RABEP1: variants seen among roughly 807,000 people sequenced by gnomAD.
RABEP1 encodes rabaptin, RAB GTPase binding effector protein 1.
Under a neutral mutation model 123.4 loss-of-function variants are expected in RABEP1, and 51 were observed. The observed-to-expected ratio is 0.41, with a 90% CI of 0.33 to 0.52. RABEP1 has a LOEUF of 0.52. Among genes scored for constraint, RABEP1 ranks in the 20% least tolerant of loss-of-function variants. The pLI is 0.16. For synonymous variants in RABEP1, 347 were observed against 355.2 expected, an observed-to-expected ratio of 0.98 and a Z score of 0.26; for missense variants, 888 against 996.3, an observed-to-expected ratio of 0.89 and a Z score of 1.46.
At chr17:5,373,204 C>A (rs927201729) in intron 12 of RABEP1, 110 bp from the exon 13 acceptor site, 15 of 974,888 alleles carry the variant, frequency 1.5e-5, no homozygotes, top group Non-Finnish European at 2.2e-5. Flanking sequence ...CTTCACCATA[C>A]CCCGTCCATC....
intron 2 of RABEP1, among the ~76,000 whole-genome samples, chr17:5,314,816 C>T (rs2075280837): frequency 6.6e-6 from 1 of 152,176 alleles, no homozygotes; most frequent in African/African-American, 2.4e-5. Flanking sequence ...CCATGCCCGG[C>T]TATATTTCTG....
At chr17:5,369,148 T>C (rs1025742032) in intron 12 of RABEP1, among the ~76,000 whole-genome samples, 1 of 152,016 alleles carries the variant, frequency 6.6e-6, no homozygotes, top group Admixed American at 6.6e-5. Context: ...TCACAGGGGT[T>C]ATGAAAAAAA....
chr17:5,380,459 T>A lies in RABEP1; in HGVS notation c.2367T>A (p.Ala789=), dbSNP rs1179478861. The A allele has an allele frequency of 2.6e-6, 4 of 1,534,748 alleles. No homozygotes were observed. The highest frequency in any genetic ancestry group is 1.9e-5 in the Admixed American group (1 of 51,490). ...LEEQLKKETA[A]KATVEQLMFE... ...AGCAGTTAAAGAAAGAGACTGCTGC[T>A]AAGGTAGTGTTTTCATTAGTCATTT... The change falls in exon 16 of 18, where the codon GCT becomes GCA. Residue 789 remains alanine (A), a synonymous_variant. Transcript: ENST00000537505.
In RABEP1 at chr17:5,282,480, C is replaced by T. The variant is rs1233544918; in HGVS notation, c.-7C>T. On this transcript the variant is annotated 5_prime_UTR_variant, in exon 1 of 18. Coordinates refer to ENST00000537505, the MANE Select transcript of RABEP1 (RefSeq NM_004703.6). ...CATCCCCGCTCCCCGAGGCCGGCCG[C>T]CTGGTCATGGCGCAGCCGGGCCCGG... 17 of 1,340,310 alleles carry T rather than the reference C, an allele frequency of 1.3e-5. 1 individual carries two copies. The highest frequency in any genetic ancestry group is 6.2e-5 in the East Asian group (2 of 32,024). 83.0% of individuals were successfully genotyped at this position (1,340,310 alleles called of 1,614,324 possible). A position where few individuals can be genotyped will look rare whatever the true frequency, so the allele number is the denominator to read the frequency against.
intron 2 of RABEP1, among the ~76,000 whole-genome samples, chr17:5,317,149 A>G (rs1015544000): frequency 6.6e-6 from 1 of 152,160 alleles, no homozygotes; most frequent in Non-Finnish European, 1.5e-5. Context: ...AGACATCACA[A>G]GAAACTTAGC....
intron 3 of RABEP1, 124 bp downstream of exon 3, chr17:5,332,276 A>G: frequency 1.2e-6 from 1 of 851,762 alleles, no homozygotes. Context: ...TACTGTCATC[A>G]TCAAGATATA....
intron 1 of RABEP1, among the ~76,000 whole-genome samples, chr17:5,307,431 TTGAG>T (rs1335348413): frequency 6.6e-6 from 1 of 152,190 alleles, no homozygotes; most frequent in Non-Finnish European, 1.5e-5. Context: ...CTCAATTAAA[TTGAG>T]TGATTGGGAG....
Position 5,380,443 on chromosome 17 carries a change from A to C in RABEP1, c.2351A>C (p.Lys784Thr), listed in dbSNP as rs768679024. The change falls in exon 16 of 18, where the codon AAG (lysine) becomes ACG (threonine). Residue 784 changes from lysine (K) to threonine (T), a missense_variant. Coordinates refer to ENST00000537505, the MANE Select transcript of RABEP1 (RefSeq NM_004703.6). The stretch of plus-strand genomic sequence containing the variant: ...AAGATCAGTTTGGAAGAGCAGTTAA[A>C]GAAAGAGACTGCTGCTAAGGTAGTG... ...EIKISLEEQL[K>T]KETAAKATVE... 69 of 1,553,668 alleles carry C rather than the reference A, an allele frequency of 4.4e-5. No homozygotes were observed. In the South Asian group the frequency reaches 7.8e-4, roughly 18 times the overall value.
chr17:5,379,279 A>G (rs1355353664), intron 15 of RABEP1, among the ~76,000 whole-genome samples: 1 of 152,090 alleles, frequency 6.6e-6, no homozygotes, highest in African/African-American at 2.4e-5. Context: ...GAATATCATG[A>G]CCTGCTTCTG....
At chr17:5,310,223 T>A (rs896877651) in intron 2 of RABEP1, among the ~76,000 whole-genome samples, 2 of 151,944 alleles carry the variant, frequency 1.3e-5, no homozygotes, top group Admixed American at 6.6e-5. Context: ...AGTTGATGTT[T>A]AAAATTTTTT....
intron 12 of RABEP1, 49 bp from the exon 13 acceptor site, chr17:5,373,265 A>C: frequency 3.8e-6 from 6 of 1,580,556 alleles, no homozygotes; most frequent in Non-Finnish European, 5.2e-6. Flanking sequence ...AGCTATCACC[A>C]GACCGGATCT....
Position 5,383,248 on chromosome 17 carries a change from T to C in RABEP1, c.*25T>C, listed in dbSNP as rs1911647859. On this transcript the variant is annotated 3_prime_UTR_variant, in exon 18 of 18. Transcript: ENST00000537505. The stretch of plus-strand genomic sequence containing the variant: ...ACACCCTCATGGCAGGATTCTAGCC[T>C]GCACTTTGGGTTTTTAACTCATCTT... 3 of 1,595,328 alleles carry C rather than the reference T, an allele frequency of 1.9e-6. No homozygotes were observed. The African/African-American group carries it at 4.0e-5, about 21-fold the overall frequency.
chr17:5,315,914 A>G (rs1420446417), intron 2 of RABEP1, among the ~76,000 whole-genome samples: 3 of 151,712 alleles, frequency 2.0e-5, no homozygotes, highest in Non-Finnish European at 4.4e-5. Flanking sequence ...GTAAGATAGA[A>G]CATCAAGAAT....
chr17:5,338,792 T>C (rs1432538778), intron 5 of RABEP1, among the ~76,000 whole-genome samples: 2 of 152,168 alleles, frequency 1.3e-5, no homozygotes, highest in African/African-American at 4.8e-5. Flanking sequence ...AGCTCCAGCA[T>C]TGATCTTTTA....
intron 15 of RABEP1, among the ~76,000 whole-genome samples, chr17:5,379,466 C>T (rs8081480): frequency 0.43 from 65,783 of 151,474 alleles, 14,962 homozygotes; most frequent in East Asian, 0.83. Flanking sequence ...GCACTCCTCT[C>T]CCGAGCTACC....
chr17:5,372,755 ATTAAT>A (rs1438707500), intron 12 of RABEP1, among the ~76,000 whole-genome samples: 1 of 140,536 alleles, frequency 7.1e-6, no homozygotes, highest in East Asian at 3.0e-4. Flanking sequence ...GAGGGAAAAT[ATTAAT>A]TTTTTTTTTT....
chr17:5,367,512 A>G (rs1910144478), intron 11 of RABEP1, among the ~76,000 whole-genome samples: 1 of 151,522 alleles, frequency 6.6e-6, no homozygotes, highest in Non-Finnish European at 1.5e-5. Context: ...TTTGTGATCC[A>G]TCCGCCTCGG....
chr17:5,358,327 G>T (rs1228019156), intron 8 of RABEP1, among the ~76,000 whole-genome samples: 1 of 152,024 alleles, frequency 6.6e-6, no homozygotes, highest in Non-Finnish European at 1.5e-5. Flanking sequence ...AAATCATTAT[G>T]GATGCATCTG....
Position 5,383,363 on chromosome 17 carries a change from G to GA in RABEP1, c.*141dup. The GA allele has an allele frequency of 1.4e-6, 1 of 712,908 alleles. No individual in the cohort carries two copies. Among genetic ancestry groups the GA allele is most frequent in the Admixed American group, 2.4e-5 (1 of 41,658 alleles). The allele number at this position is 712,908 out of a possible 1,614,324, so 44.2% of individuals were successfully genotyped here. Reference sequence around the variant, plus strand: ...CTGGAGAAATGCTTACTTCTAGAGGGAGAAGACTGTGCGGCACAGGAAACA... The same window carrying GA: ...CTGGAGAAATGCTTACTTCTAGAGGGAAGAAGACTGTGCGGCACAGGAAACA... On this transcript the variant is annotated 3_prime_UTR_variant, in exon 18 of 18. Transcript: ENST00000537505.
Sources: gnomAD v4.1 joint callset for allele counts (sites outside exome capture counted in the v4.1 genomes callset) on GRCh38, gnomAD v4.1.1 for gene constraint, MANE v1.5 for transcripts, NCBI Gene and HGNC (gene_info 2026-07-23, HGNC 2026-07-21) for gene names.